The following TRPM3 variants were observed in gnomAD, a reference collection of about 807,000 sequenced individuals.
The protein encoded by TRPM3 is long transient receptor potential channel 3.
Under a neutral mutation model 181.2 loss-of-function variants are expected in TRPM3, and 77 were observed. That is an observed-to-expected ratio of 0.42 (90% CI 0.35 to 0.51). The LOEUF (loss-of-function observed/expected upper bound fraction) is 0.51, where lower values mean the gene tolerates loss of function less well. Ranked by LOEUF, TRPM3 falls within the 20% of genes least tolerant of loss-of-function variation. The pLI is 0.01. For missense variants in TRPM3, 1,759 were observed against 2,196.7 expected, an observed-to-expected ratio of 0.80 and a Z score of 3.98; for synonymous variants, 745 against 796.4, an observed-to-expected ratio of 0.94 and a Z score of 1.09.
chr9:70,636,743 G>A (rs982319962), intron 11 of TRPM3, among the ~76,000 whole-genome samples: 14 of 148,954 alleles, frequency 9.4e-5, no homozygotes, highest in African/African-American at 2.2e-4. Flanking sequence ...GCTGGAGTGC[G>A]GTGGTGTGAT....
rs910819321 is a variant in TRPM3, at chr9:70,629,220, G to C, written c.1633-3703C>G. Reference sequence around the variant, plus strand: ...AATGATTCTGTGACCAGTGCCGGGGGGGGGGGGGGCCTGCGTTCTGTTTGA... The same window carrying C: ...AATGATTCTGTGACCAGTGCCGGGGCGGGGGGGGGCCTGCGTTCTGTTTGA... On this transcript the variant is annotated intron_variant, in intron 12 of 25. Transcript: ENST00000677713. Among the ~76,000 whole-genome samples the C allele has an allele frequency of 2.0e-4, 15 of 75,172 alleles. 3 individuals are homozygous for C. Among genetic ancestry groups the C allele is most frequent in the African/African-American group, 6.1e-4 (13 of 21,436 alleles). 49.3% of individuals were successfully genotyped at this position (75,172 alleles called of 152,430 possible).
chr9:70,952,555 T>C (rs150904477), intron 1 of TRPM3, among the ~76,000 whole-genome samples: 1 of 152,330 alleles, frequency 6.6e-6, no homozygotes, highest in Non-Finnish European at 1.5e-5. Context: ...TGGAGATTAA[T>C]AAAACATGGT....
chr9:70,899,805 C>T (rs576611792), intron 1 of TRPM3, among the ~76,000 whole-genome samples: 4 of 152,240 alleles, frequency 2.6e-5, no homozygotes, highest in Non-Finnish European at 5.9e-5. Context: ...TTGCTATAGA[C>T]GTAGTTCTTA....
chr9:71,001,702 C>T (rs2134240249), intron 1 of TRPM3, among the ~76,000 whole-genome samples: 1 of 152,284 alleles, frequency 6.6e-6, no homozygotes, highest in East Asian at 1.9e-4. Context: ...ATCACTGTAA[C>T]TGAAGAAACA....
rs117169957 is a variant in TRPM3 at position 71,031,466 on chromosome 9, G to T, written c.177+89712C>A. On this transcript the variant is annotated intron_variant, in intron 1 of 25. Transcript: ENST00000677713. ...TGGTCAGGTTGCTATCGAGAATGGA[G>T]GCATTACAGATGAGATATATAGCAT... 4.9e-3 allele frequency among the ~76,000 whole-genome samples: 752 copies of T among 152,228 alleles called. 19 individuals are homozygous for T. The East Asian group carries it at 0.078, about 16-fold the overall frequency.
At chr9:71,256,722 A>G (rs1434267171) in intron 1 of TRPM3, among the ~76,000 whole-genome samples, 1 of 152,304 alleles carries the variant, frequency 6.6e-6, no homozygotes, top group East Asian at 1.9e-4. Flanking sequence ...AACAAAAGGT[A>G]TCTGCAAGAA....
chr9:70,563,956 C>T (rs2049844715), intron 22 of TRPM3, among the ~76,000 whole-genome samples: 1 of 152,140 alleles, frequency 6.6e-6, no homozygotes, highest in East Asian at 1.9e-4. Flanking sequence ...TTTATTGAAC[C>T]TACTCTGTGT....
chr9:71,425,490 T>C (rs2093847658), intron 1 of TRPM3, among the ~76,000 whole-genome samples: 1 of 152,096 alleles, frequency 6.6e-6, no homozygotes, highest in African/African-American at 2.4e-5. Context: ...CCCACATGCA[T>C]ATTAATCGCA....
intron 1 of TRPM3, among the ~76,000 whole-genome samples, chr9:70,942,190 A>G (rs2096892296): frequency 6.6e-6 from 1 of 152,180 alleles, no homozygotes; most frequent in Non-Finnish European, 1.5e-5. Flanking sequence ...CTTCCTTCCT[A>G]AAAGTCTAAT....
intron 22 of TRPM3, among the ~76,000 whole-genome samples, chr9:70,570,594 T>C (rs1448594112): frequency 6.6e-6 from 1 of 152,228 alleles, no homozygotes; most frequent in Non-Finnish European, 1.5e-5. Context: ...ATTACAGGCA[T>C]AAGCCACGGC....
At chr9:71,084,797 C>T (rs2065001703) in intron 1 of TRPM3, among the ~76,000 whole-genome samples, 1 of 151,772 alleles carries the variant, frequency 6.6e-6, no homozygotes, top group African/African-American at 2.4e-5. Flanking sequence ...TCATATAGAA[C>T]CAGAAAAGAG....
chr9:70,965,762 TG>T (rs1173728955), intron 1 of TRPM3, among the ~76,000 whole-genome samples: 1 of 152,038 alleles, frequency 6.6e-6, no homozygotes, highest in African/African-American at 2.4e-5. Flanking sequence ...CTTTTTTCAT[TG>T]TATCTCTGCC....
intron 1 of TRPM3, among the ~76,000 whole-genome samples, chr9:71,186,145 T>A (rs1207160123): frequency 6.6e-6 from 1 of 152,004 alleles, no homozygotes; most frequent in African/African-American, 2.4e-5. Flanking sequence ...ACCATCTTTT[T>A]ATAAGGATGC....
intron 6 of TRPM3, among the ~76,000 whole-genome samples, chr9:70,819,707 A>G (rs1156397294): frequency 6.6e-6 from 1 of 152,246 alleles, no homozygotes; most frequent in Admixed American, 6.5e-5. Flanking sequence ...CCCTTAGACT[A>G]GATTACATAT....
At chr9:70,998,263 A>T (rs34828139) in intron 1 of TRPM3, among the ~76,000 whole-genome samples, 1,602 of 145,046 alleles carry the variant, frequency 0.011, 26 homozygotes, top group East Asian at 0.077. Flanking sequence ...ATATATATAT[A>T]TATTTTTTTT....
At chr9:71,275,158 A>C (rs2084096484) in intron 1 of TRPM3, among the ~76,000 whole-genome samples, 1 of 152,238 alleles carries the variant, frequency 6.6e-6, no homozygotes, top group Admixed American at 6.5e-5. Flanking sequence ...AATAAAAAAG[A>C]ATCTTCCAAC....
intron 5 of TRPM3, among the ~76,000 whole-genome samples, chr9:70,833,599 A>G (rs931520468): frequency 6.6e-6 from 1 of 152,136 alleles, no homozygotes; most frequent in Non-Finnish European, 1.5e-5. Flanking sequence ...AATTTGCCCC[A>G]CTAATCCTAC....
At chr9:70,753,478 G>A (rs2076539091) in intron 8 of TRPM3, among the ~76,000 whole-genome samples, 1 of 152,156 alleles carries the variant, frequency 6.6e-6, no homozygotes, top group African/African-American at 2.4e-5. Context: ...CAATTAGACT[G>A]AATGACTCAG....
At chr9:71,264,733 G>C (rs927210318) in intron 1 of TRPM3, among the ~76,000 whole-genome samples, 4 of 152,134 alleles carry the variant, frequency 2.6e-5, no homozygotes, top group African/African-American at 9.7e-5. Context: ...TTCTGAGTGA[G>C]AATCTAGACA....
Sources: gnomAD v4.1 joint callset for allele counts (sites outside exome capture counted in the v4.1 genomes callset) on GRCh38, gnomAD v4.1.1 for gene constraint, MANE v1.5 for transcripts, NCBI Gene and HGNC (gene_info 2026-07-23, HGNC 2026-07-21) for gene names.